PROKR2: variants seen among roughly 807,000 people sequenced by gnomAD.
PROKR2 encodes prokineticin receptor 2, also known as G protein-coupled receptor 73-like 1.
Under a neutral mutation model 23.4 loss-of-function variants are expected in PROKR2, and 26 were observed. The observed-to-expected ratio is 1.11, with a 90% CI of 0.81 to 1.54. The LOEUF (loss-of-function observed/expected upper bound fraction) is 1.54, where lower values mean the gene tolerates loss of function less well. Ranked by LOEUF, PROKR2 falls within the 40% of genes most tolerant of loss-of-function variation. The pLI is 0.00. For synonymous variants in PROKR2, 212 were observed against 201.2 expected (o/e 1.05, Z -0.45); for missense variants, 453 against 511.5 (o/e 0.89, Z 1.10).
intron 2 of PROKR2, among the ~76,000 whole-genome samples, chr20:5,308,292 C>T (rs1051281557): frequency 5.9e-5 from 9 of 151,948 alleles, no homozygotes; most frequent in East Asian, 1.9e-4. Context: ...ATAATGCCCA[C>T]GCTGGAAGGT....
chr20:5,314,403 G>T (rs748537591), intron 1 of PROKR2, 26 bp from the exon 2 acceptor site: 1 of 1,575,756 alleles, frequency 6.3e-7, no homozygotes, highest in South Asian at 1.1e-5. Context: ...TGTGAGGGAG[G>T]TGCGAGGGGT....
chr20:5,311,024 T>C (rs986065112), intron 2 of PROKR2, among the ~76,000 whole-genome samples: 1 of 152,226 alleles, frequency 6.6e-6, no homozygotes, highest in Admixed American at 6.5e-5. Context: ...GGATTTGACA[T>C]GTATTCCGTA....
rs148016160 is a variant in PROKR2, at chr20:5,314,424, A to T, written c.-8-47T>A. 4.9e-5 allele frequency: 72 copies of T among 1,463,438 alleles called. No homozygotes were observed. The African/African-American group carries it at 9.2e-4, about 19-fold the overall frequency. 90.7% of individuals were successfully genotyped at this position (1,463,438 alleles called of 1,614,324 possible). On this transcript the variant is annotated intron_variant, in intron 1 of 2. Transcript: ENST00000678254. ...GGAGGTGCGAGGGGTGAGGGTCCAG[A>T]CCTTCTGCTCTTTCAGGGTCAGTGA... is the stretch of plus-strand genomic sequence containing the variant.
chr20:5,309,505 C>T (rs1441748020), intron 2 of PROKR2, among the ~76,000 whole-genome samples: 1 of 152,120 alleles, frequency 6.6e-6, no homozygotes, highest in Non-Finnish European at 1.5e-5. Flanking sequence ...ACTCTTTGGC[C>T]TCCCTCTTTC....
In PROKR2 at chr20:5,316,553, A is replaced by T. The variant is rs1979684465; in HGVS notation, c.-68T>A. The stretch of plus-strand genomic sequence containing the variant: ...CTCCGGAAGCCGGATCGAGAGTCAC[A>T]GTGTGGTTGGGCGCAGGCGGGCCGC... On this transcript the variant is annotated 5_prime_UTR_variant, in exon 1 of 3. Transcript: ENST00000678254. The surrounding 1 kb of genome is among the most constrained non-coding windows in gnomAD (Gnocchi z 5.0). 2.8e-6 allele frequency: 1 copy of T among 351,502 alleles called. No homozygotes were observed. The highest frequency in any genetic ancestry group is 2.1e-5 in the African/African-American group (1 of 46,624). The allele number at this position is 351,502 out of a possible 1,614,324, so 21.8% of individuals were successfully genotyped here.
chr20:5,313,962 G>A lies in PROKR2; in HGVS notation c.408C>T (p.Thr136=), dbSNP rs371754636. 3.6e-5 allele frequency: 58 copies of A among 1,614,092 alleles called. No homozygotes were observed. The highest frequency in any genetic ancestry group is 4.7e-5 in the Non-Finnish European group (55 of 1,180,040). Residue 136 remains threonine (T), a synonymous_variant, in exon 2 of 3, where the codon ACC becomes ACT. Coordinates refer to ENST00000678254, the MANE Select transcript of PROKR2 (RefSeq NM_144773.4). ...VLCASVNYLR[T]VSLYVSTNAL... is the part of the protein sequence containing the mutation. ...CATTGGTGGAGACGTAGAGGGAGAC[G>A]GTGCGCAGGTAGTTGACGGAGGCAC...
intron 2 of PROKR2, among the ~76,000 whole-genome samples, chr20:5,307,140 G>A (rs1979248885): frequency 6.6e-6 from 1 of 152,080 alleles, no homozygotes; most frequent in African/African-American, 2.4e-5. Context: ...TGCTGAGGAG[G>A]ACCCCAACTG....
chr20:5,301,201 G>A lies in PROKR2; in HGVS notation c.*839C>T, dbSNP rs553166777. ...TGTCTAAGAGTCTTCTTCTATAGCC[G>A]TTGGTTGTTGTTGTTGTTGTTTTGT... is the stretch of plus-strand genomic sequence containing the variant. On this transcript the variant is annotated 3_prime_UTR_variant, in exon 3 of 3. Transcript: ENST00000678254. Among the ~76,000 whole-genome samples the A allele has an allele frequency of 1.0e-3, 138 of 132,886 alleles. No homozygotes were observed. Among genetic ancestry groups the A allele is most frequent in the Non-Finnish European group, 1.9e-3 (118 of 61,274 alleles). 87.2% of individuals were successfully genotyped at this position (132,886 alleles called of 152,430 possible). A position where few individuals can be genotyped will look rare whatever the true frequency, so the allele number is the denominator to read the frequency against.
intron 2 of PROKR2, among the ~76,000 whole-genome samples, chr20:5,311,106 A>G (rs934338769): frequency 5.3e-5 from 8 of 152,340 alleles, no homozygotes; most frequent in African/African-American, 1.9e-4. Context: ...TGATATTCCT[A>G]TGCTTAATAT....
intron 2 of PROKR2, among the ~76,000 whole-genome samples, chr20:5,308,893 G>A (rs1353466414): frequency 6.6e-6 from 1 of 152,156 alleles, no homozygotes; most frequent in Non-Finnish European, 1.5e-5. Context: ...GCCTGCCAGT[G>A]GCTCTGATCA....
intron 2 of PROKR2, among the ~76,000 whole-genome samples, chr20:5,308,208 A>G (rs1016641573): frequency 1.3e-5 from 2 of 151,378 alleles, no homozygotes; most frequent in African/African-American, 4.9e-5. Context: ...CCCCCTCAAA[A>G]CCTGGCCATA....
rs569308711 is a variant in PROKR2 at position 5,301,227 on chromosome 20, T to C, written c.*813A>G. ...TTGGTTGTTGTTGTTGTTGTTTTGTTGTTTGTTTGTTTGTTTTTTTCCTGA... is the reference window on the plus strand; with the variant it reads ...TTGGTTGTTGTTGTTGTTGTTTTGTCGTTTGTTTGTTTGTTTTTTTCCTGA... On this transcript the variant is annotated 3_prime_UTR_variant, in exon 3 of 3. Coordinates refer to ENST00000678254, the MANE Select transcript of PROKR2 (RefSeq NM_144773.4). Among the ~76,000 whole-genome samples the C allele has an allele frequency of 6.6e-6, 1 of 151,680 alleles. No individual in the cohort carries two copies. The highest frequency in any genetic ancestry group is 2.1e-4 in the South Asian group (1 of 4,804).
At position 5,316,048 on chromosome 20, in the gene PROKR2, G is replaced by A. The variant is rs1979658285; in HGVS notation, c.-9+446C>T. On this transcript the variant is annotated intron_variant, in intron 1 of 2. Coordinates refer to ENST00000678254, the MANE Select transcript of PROKR2 (RefSeq NM_144773.4). The surrounding 1 kb of genome is among the most constrained non-coding windows in gnomAD (Gnocchi z 5.0). ...ACATCCTGGCAAAGACAGGAATCAA[G>A]TCAGAAATTCAGGCTCTAGAAGCAA... 1 of 456,754 alleles carries A rather than the reference G, an allele frequency of 2.2e-6. No homozygotes were observed. The highest frequency in any genetic ancestry group is 7.0e-5 in the East Asian group (1 of 14,378). 28.3% of individuals were successfully genotyped at this position (456,754 alleles called of 1,614,324 possible).
chr20:5,315,770 TCTCCAGGTCGCCC>T (rs777973570), intron 1 of PROKR2: 6 of 446,076 alleles, frequency 1.3e-5, no homozygotes, highest in Non-Finnish European at 2.2e-5. Context: ...AGGTGTCTTC[TCTCCAGGTCGCCC>T]CTCCGTCTCA....
At position 5,313,858 on chromosome 20, in the gene PROKR2, A is replaced by T. The variant is rs1979536541; in HGVS notation, c.458+54T>A. 2.8e-6 allele frequency: 4 copies of T among 1,442,478 alleles called. No homozygotes were observed. The African/African-American group carries it at 5.6e-5, about 20-fold the overall frequency. The allele number at this position is 1,442,478 out of a possible 1,614,324, so 89.4% of individuals were successfully genotyped here. On this transcript the variant is annotated intron_variant, in intron 2 of 2. Transcript: ENST00000678254. Reference sequence around the variant, plus strand: ...ATGTCAGCCTGTCAGAGCCTAAATGAGGAAAGAGACAGCCTGGCCCAGCCC... The same window carrying T: ...ATGTCAGCCTGTCAGAGCCTAAATGTGGAAAGAGACAGCCTGGCCCAGCCC...
Position 5,302,539 on chromosome 20 carries a change from T to C in PROKR2, c.656A>G (p.Tyr219Cys), listed in dbSNP as rs1979039703. 6.2e-7 allele frequency: 1 copy of C among 1,614,122 alleles called. No homozygotes were observed. The highest frequency in any genetic ancestry group is 8.5e-7 in the Non-Finnish European group (1 of 1,180,036). ...GQIWPVDQQL[Y>C]YKSYFLFIFG... ...GATGAAGAGGAAGTAGGACTTGTAG[T>C]AGAGCTGCTGATCCACAGGCCAGAT... Residue 219 changes from tyrosine (Y) to cysteine (C), a missense_variant, in exon 3 of 3, where the codon TAC (tyrosine) becomes TGC (cysteine). Transcript: ENST00000678254.
rs765393088 is a variant in PROKR2 at position 5,302,124 on chromosome 20, C to G, written c.1071G>C (p.Arg357=). The change falls in exon 3 of 3, where the codon CGG becomes CGC. Residue 357 remains arginine (R), a synonymous_variant. Coordinates refer to ENST00000678254, the MANE Select transcript of PROKR2 (RefSeq NM_144773.4). The stretch of plus-strand genomic sequence containing the variant: ...CAAGGTCAGCACTGGACTTGCTCCC[C>G]CGCTGGGAGGGACGCCAGTGCAGCA... The part of the protein sequence containing the change: ...MMLLHWRPSQ[R]GSKSSADLDL... 2.5e-6 allele frequency: 4 copies of G among 1,614,184 alleles called. No individual in the cohort carries two copies. In the South Asian group the frequency reaches 3.3e-5, roughly 13 times the overall value.
intron 2 of PROKR2, among the ~76,000 whole-genome samples, chr20:5,308,532 C>A (rs1401985622): frequency 6.6e-6 from 1 of 152,136 alleles, no homozygotes; most frequent in Admixed American, 6.5e-5. Context: ...TCTATAGAAA[C>A]AATGCTAATG....
chr20:5,306,282 GA>G (rs35997087), intron 2 of PROKR2, among the ~76,000 whole-genome samples: 63,929 of 151,876 alleles, frequency 0.42, 13,691 homozygotes, highest in East Asian at 0.52. Context: ...TTGTAATTAA[GA>G]AAAAAATCAG....
Sources: allele counts gnomAD v4.1 joint callset (sites outside exome capture counted in the v4.1 genomes callset), GRCh38; gene constraint gnomAD v4.1.1; non-coding constraint Gnocchi (gnomAD v3.1); transcripts MANE v1.5; gene names NCBI Gene and HGNC (gene_info 2026-07-23, HGNC 2026-07-21).